CSNK1G1: variants seen among roughly 807,000 people sequenced by gnomAD.
The protein encoded by CSNK1G1 is casein kinase 1 gamma 1, also known as casein kinase I isoform gamma-1.
Under a neutral mutation model 59.6 loss-of-function variants are expected in CSNK1G1, and 22 were observed. That is an observed-to-expected ratio of 0.37 (90% CI 0.26 to 0.53). The LOEUF is 0.53. Ranked by LOEUF, CSNK1G1 falls within the 20% of genes least tolerant of loss-of-function variation. The pLI is 0.89. For synonymous variants in CSNK1G1, 179 were observed against 177.1 expected (o/e 1.01, Z -0.08); for missense variants, 384 against 519.5 (o/e 0.74, Z 2.54).
intron 10 of CSNK1G1, among the ~76,000 whole-genome samples, chr15:64,201,285 A>G (rs1355711998): frequency 4.0e-5 from 6 of 151,480 alleles, no homozygotes; most frequent in Admixed American, 6.6e-5. Flanking sequence ...AAAAAAAAAA[A>G]AAAAAGAAAG....
At chr15:64,258,427 A>G (rs1375316413) in intron 3 of CSNK1G1, among the ~76,000 whole-genome samples, 1 of 151,880 alleles carries the variant, frequency 6.6e-6, no homozygotes, top group African/African-American at 2.4e-5. Flanking sequence ...AAAGAAAAGA[A>G]TAGCATAGAT....
Position 64,332,006 on chromosome 15 carries a change from T to C in CSNK1G1, c.-225+23982A>G, listed in dbSNP as rs1897135193. Among the ~76,000 whole-genome samples the C allele has an allele frequency of 7.2e-5, 11 of 152,016 alleles. No homozygotes were observed. In the South Asian group the frequency reaches 2.1e-3, roughly 29 times the overall value. On this transcript the variant is annotated intron_variant, in intron 1 of 11. Transcript: ENST00000303052. Reference sequence around the variant, plus strand: ...CTCACACCAGTTAGAATGAATATCATTAAAAAGTCAGGAAACAACAGGTGC... The same window carrying C: ...CTCACACCAGTTAGAATGAATATCACTAAAAAGTCAGGAAACAACAGGTGC...
At chr15:64,197,144 A>G (rs1023505838) in intron 10 of CSNK1G1, among the ~76,000 whole-genome samples, 3 of 152,208 alleles carry the variant, frequency 2.0e-5, no homozygotes, top group Non-Finnish European at 4.4e-5. Context: ...CTGACACCCT[A>G]AATAGGTTAA....
At chr15:64,228,587 G>A (rs909714481) in intron 4 of CSNK1G1, among the ~76,000 whole-genome samples, 3 of 152,110 alleles carry the variant, frequency 2.0e-5, no homozygotes, top group South Asian at 4.1e-4. Flanking sequence ...AGTGAGCCAA[G>A]ATCATGCCAC....
chr15:64,190,693 C>G (rs1042511485), intron 10 of CSNK1G1, among the ~76,000 whole-genome samples: 2 of 152,076 alleles, frequency 1.3e-5, no homozygotes, highest in African/African-American at 4.8e-5. Context: ...GAATTACAGG[C>G]GTGAGCCACC....
intron 1 of CSNK1G1, among the ~76,000 whole-genome samples, chr15:64,355,166 C>A (rs1596312604): frequency 1.3e-5 from 2 of 152,152 alleles, no homozygotes; most frequent in African/African-American, 4.8e-5. Flanking sequence ...CCAGTCCATT[C>A]TTTTTAAATA....
chr15:64,355,661 T>C (rs1421111807), intron 1 of CSNK1G1, among the ~76,000 whole-genome samples: 3 of 152,092 alleles, frequency 2.0e-5, no homozygotes, highest in African/African-American at 7.2e-5. Flanking sequence ...GCCCTCCTTT[T>C]GGCTCCCGGG....
chr15:64,300,221 A>G, intron 2 of CSNK1G1, 98 bp downstream of exon 2: 1 of 1,205,700 alleles, frequency 8.3e-7, no homozygotes, highest in South Asian at 1.5e-5. Context: ...CTTAAGAAAA[A>G]TTTCTTGTAA....
chr15:64,238,947 T>C (rs1474343551), intron 4 of CSNK1G1, among the ~76,000 whole-genome samples: 1 of 152,140 alleles, frequency 6.6e-6, no homozygotes. Flanking sequence ...CCAAAAGTCT[T>C]TTCCAACAAG....
rs879754515 is a variant in CSNK1G1, at chr15:64,323,366, CT to C, written c.-224-22644del. Among the ~76,000 whole-genome samples the C allele has an allele frequency of 5.4e-3, 792 of 146,258 alleles. 1 individual carries two copies. The highest frequency in any genetic ancestry group is 0.03 in the Middle Eastern group (8 of 270). ...AAAAATTATTTAATTACTGACTATA[CT>C]TTTTTTTTTTTCTTTGAGACAGAGT... is the stretch of plus-strand genomic sequence containing the variant. On this transcript the variant is annotated intron_variant, in intron 1 of 11. Coordinates refer to ENST00000303052, the MANE Select transcript of CSNK1G1 (RefSeq NM_022048.5).
At chr15:64,247,267 A>G (rs760445205) in intron 4 of CSNK1G1, among the ~76,000 whole-genome samples, 2 of 152,222 alleles carry the variant, frequency 1.3e-5, no homozygotes, top group Non-Finnish European at 2.9e-5. Context: ...AGAAATTAAA[A>G]CTTGCCTATG....
chr15:64,304,961 T>C (rs554071661), intron 1 of CSNK1G1, among the ~76,000 whole-genome samples: 241 of 152,334 alleles, frequency 1.6e-3, no homozygotes, highest in African/African-American at 5.6e-3. Context: ...ATGCTTGCTG[T>C]TTCTTGGTCA....
intron 1 of CSNK1G1, among the ~76,000 whole-genome samples, chr15:64,340,391 C>T (rs146040870): frequency 5.9e-4 from 90 of 152,204 alleles, no homozygotes; most frequent in African/African-American, 2.1e-3. Flanking sequence ...ATGTCAAAAA[C>T]ATCTATTCTA....
chr15:64,253,140 T>A (rs534326874), intron 3 of CSNK1G1, among the ~76,000 whole-genome samples: 21 of 152,190 alleles, frequency 1.4e-4, no homozygotes, highest in Middle Eastern at 3.4e-3. Context: ...AGCCCAGGGG[T>A]TCGAGACCAG....
rs796216692 is a variant in CSNK1G1 at position 64,230,808 on chromosome 15, TA to T, written c.293-14096del. ...TAACACGGTGAAACCCCGTCTCTAC[TA>T]AAAAATACAAAAAAATTAGCCAGGC... On this transcript the variant is annotated intron_variant, in intron 4 of 11. Coordinates refer to ENST00000303052, the MANE Select transcript of CSNK1G1 (RefSeq NM_022048.5). 6.6e-5 allele frequency among the ~76,000 whole-genome samples: 10 copies of T among 151,790 alleles called. No individual in the cohort carries two copies. In the East Asian group the frequency reaches 9.7e-4, roughly 15 times the overall value.
At chr15:64,340,403 T>G (rs911449627) in intron 1 of CSNK1G1, among the ~76,000 whole-genome samples, 34 of 152,356 alleles carry the variant, frequency 2.2e-4, no homozygotes, top group African/African-American at 8.2e-4. Context: ...TCTATTCTAA[T>G]ATAATGGTGA....
intron 4 of CSNK1G1, among the ~76,000 whole-genome samples, chr15:64,241,810 G>GA (rs972693481): frequency 2.1e-3 from 285 of 133,916 alleles, no homozygotes; most frequent in Middle Eastern, 0.015. Context: ...AACTAGAAAA[G>GA]AAAAAAAAAA....
intron 4 of CSNK1G1, among the ~76,000 whole-genome samples, chr15:64,235,487 T>A (rs772339224): frequency 6.6e-6 from 1 of 152,024 alleles, no homozygotes; most frequent in Non-Finnish European, 1.5e-5. Context: ...CAAACCAGAG[T>A]GATGCCTCAG....
At chr15:64,228,449 C>T (rs1402892448) in intron 4 of CSNK1G1, among the ~76,000 whole-genome samples, 1 of 151,618 alleles carries the variant, frequency 6.6e-6, no homozygotes, top group Non-Finnish European at 1.5e-5. Context: ...AGCTCCAGAC[C>T]ATCCTGGTGA....
Sources: allele counts gnomAD v4.1 joint callset (sites outside exome capture counted in the v4.1 genomes callset), GRCh38; gene constraint gnomAD v4.1.1; transcripts MANE v1.5; gene names NCBI Gene and HGNC (gene_info 2026-07-23, HGNC 2026-07-21).